SEMA6D: variants seen among roughly 807,000 people sequenced by gnomAD.
The protein encoded by SEMA6D is semaphorin 6D.
SEMA6D carries 35 observed loss-of-function variants against 106.6 expected under a neutral mutation model. That is an observed-to-expected ratio of 0.33 (90% CI 0.25 to 0.44). The LOEUF (loss-of-function observed/expected upper bound fraction) is 0.44. Ranked by LOEUF, SEMA6D falls within the 20% of genes least tolerant of loss-of-function variation. The pLI is 1.00. For synonymous variants in SEMA6D, 499 were observed against 487.7 expected (o/e 1.02, Z -0.31); for missense variants, 1,185 against 1,345.9 (o/e 0.88, Z 1.87).
chr15:47,569,239 T>G (rs1305744052), intron 3 of SEMA6D, among the ~76,000 whole-genome samples: 1 of 152,142 alleles, frequency 6.6e-6, no homozygotes, highest in African/African-American at 2.4e-5. Context: ...AAATTAAATG[T>G]GATTCTGATT....
At chr15:47,280,031 G>C (rs2035035898) in intron 1 of SEMA6D, among the ~76,000 whole-genome samples, 1 of 151,304 alleles carries the variant, frequency 6.6e-6, no homozygotes, top group Non-Finnish European at 1.5e-5. Flanking sequence ...TCAGGATGAT[G>C]CTGGCCTCAT....
intron 1 of SEMA6D, among the ~76,000 whole-genome samples, chr15:47,353,629 A>C (rs1473240210): frequency 6.6e-6 from 1 of 152,174 alleles, no homozygotes; most frequent in African/African-American, 2.4e-5. Context: ...ATAATATTTT[A>C]AATTTTAATA....
At chr15:47,651,370 C>A (rs1309171516) in intron 4 of SEMA6D, among the ~76,000 whole-genome samples, 2 of 151,936 alleles carry the variant, frequency 1.3e-5, no homozygotes, top group African/African-American at 2.4e-5. Flanking sequence ...TACTGCTGCA[C>A]CCCCAGCCTG....
chr15:47,552,599 T>C (rs2045738239), intron 3 of SEMA6D, among the ~76,000 whole-genome samples: 1 of 147,520 alleles, frequency 6.8e-6, no homozygotes, highest in Non-Finnish European at 1.5e-5. Flanking sequence ...TGTGTCTGCC[T>C]GTGCACATGT....
chr15:47,523,002 C>G (rs1739553303), intron 3 of SEMA6D, among the ~76,000 whole-genome samples: 1 of 152,198 alleles, frequency 6.6e-6, no homozygotes, highest in Admixed American at 6.5e-5. Context: ...AAAAGGACCA[C>G]AGCTTTTCAA....
chr15:47,404,956 C>T (rs1181236228), intron 1 of SEMA6D, among the ~76,000 whole-genome samples: 1 of 152,032 alleles, frequency 6.6e-6, no homozygotes, highest in African/African-American at 2.4e-5. Context: ...GAGATGTGTG[C>T]AAGGTGTCAT....
chr15:47,528,426 G>C (rs1264486435), intron 3 of SEMA6D, among the ~76,000 whole-genome samples: 1 of 152,136 alleles, frequency 6.6e-6, no homozygotes, highest in Non-Finnish European at 1.5e-5. Context: ...TTGAAGTAGA[G>C]TTGGAAAACA....
intron 2 of SEMA6D, among the ~76,000 whole-genome samples, chr15:47,464,141 G>A (rs1170816720): frequency 6.6e-6 from 1 of 151,998 alleles, no homozygotes; most frequent in Non-Finnish European, 1.5e-5. Flanking sequence ...ATCTTTTGGG[G>A]GGCTGCCATT....
chr15:47,295,129 T>C (rs905079047), intron 1 of SEMA6D, among the ~76,000 whole-genome samples: 4 of 152,224 alleles, frequency 2.6e-5, no homozygotes, highest in African/African-American at 9.6e-5. Flanking sequence ...CTGAAAGGCC[T>C]GTGTTTATTA....
intron 1 of SEMA6D, among the ~76,000 whole-genome samples, chr15:47,346,093 T>A (rs2038034931): frequency 6.6e-6 from 1 of 152,168 alleles, no homozygotes; most frequent in Non-Finnish European, 1.5e-5. Context: ...TTGCTACCTA[T>A]GTCAGATTTA....
intron 3 of SEMA6D, among the ~76,000 whole-genome samples, chr15:47,573,612 A>C (rs2076103455): frequency 6.6e-6 from 1 of 152,160 alleles, no homozygotes; most frequent in African/African-American, 2.4e-5. Context: ...GTGGTGCATC[A>C]TTGCTGGTCT....
At chr15:47,204,692 G>T (rs1372918501) in intron 1 of SEMA6D, among the ~76,000 whole-genome samples, 1 of 151,974 alleles carries the variant, frequency 6.6e-6, no homozygotes, top group Non-Finnish European at 1.5e-5. Flanking sequence ...TAACATCTCT[G>T]ATAAATTATA....
At chr15:47,240,467 A>G (rs911600278) in intron 1 of SEMA6D, among the ~76,000 whole-genome samples, 3 of 152,158 alleles carry the variant, frequency 2.0e-5, no homozygotes, top group African/African-American at 7.2e-5. Flanking sequence ...AGGAAATTTT[A>G]ATCTCCTCCT....
chr15:47,466,314 A>G (rs1239211601), intron 2 of SEMA6D, among the ~76,000 whole-genome samples: 1 of 151,468 alleles, frequency 6.6e-6, no homozygotes, highest in Non-Finnish European at 1.5e-5. Context: ...TCCCTCCATT[A>G]CTCCCACCCT....
At chr15:47,632,221 A>G (rs968908576) in intron 4 of SEMA6D, among the ~76,000 whole-genome samples, 2 of 151,896 alleles carry the variant, frequency 1.3e-5, no homozygotes, top group Non-Finnish European at 2.9e-5. Flanking sequence ...TTATGGCGCA[A>G]GTTATGGTCT....
chr15:47,615,228 C>G (rs987763997), intron 4 of SEMA6D, among the ~76,000 whole-genome samples: 2 of 152,146 alleles, frequency 1.3e-5, no homozygotes, highest in Admixed American at 6.5e-5. Context: ...TGCAGTATCA[C>G]TATTTACATA....
chr15:47,417,287 C>T (rs140011811), intron 2 of SEMA6D, among the ~76,000 whole-genome samples: 7 of 152,006 alleles, frequency 4.6e-5, no homozygotes, highest in African/African-American at 1.2e-4. Flanking sequence ...AGATGAGAAA[C>T]GTAAATTGTG....
chr15:47,385,379 G>A (rs940536935), intron 1 of SEMA6D, among the ~76,000 whole-genome samples: 2 of 152,112 alleles, frequency 1.3e-5, no homozygotes, highest in Admixed American at 1.3e-4. Context: ...AAGGCAACAT[G>A]GTCTTTGCTC....
intron 1 of SEMA6D, among the ~76,000 whole-genome samples, chr15:47,189,584 T>C (rs1453016088): frequency 1.3e-5 from 2 of 152,226 alleles, no homozygotes; most frequent in Non-Finnish European, 2.9e-5. Flanking sequence ...GGCCAAAAAC[T>C]CTGAATTAAA....
Sources: gnomAD v4.1 joint callset for allele counts (sites outside exome capture counted in the v4.1 genomes callset) on GRCh38, gnomAD v4.1.1 for gene constraint, MANE v1.5 for transcripts, NCBI Gene and HGNC (gene_info 2026-07-23, HGNC 2026-07-21) for gene names.